The following ANKRD44 variants were observed in gnomAD, a reference collection of about 807,000 sequenced individuals.
ANKRD44 encodes the protein serine/threonine-protein phosphatase 6 regulatory ankyrin repeat subunit B.
Under a neutral mutation model 116.0 loss-of-function variants are expected in ANKRD44, and 35 were observed. That is an observed-to-expected ratio of 0.30 (90% CI 0.23 to 0.40). The LOEUF (loss-of-function observed/expected upper bound fraction) is 0.40, where lower values mean the gene tolerates loss of function less well. ANKRD44 is among the 10% of genes least tolerant of loss of function. The probability of loss-of-function intolerance (pLI) is 1.00; values close to 1 mark genes in which losing one functional copy is unlikely to be tolerated. For synonymous variants in ANKRD44, 435 were observed against 461.8 expected (o/e 0.94, Z 0.74); for missense variants, 1,014 against 1,242.6 (o/e 0.82, Z 2.77).
intron 26 of ANKRD44, among the ~76,000 whole-genome samples, chr2:196,994,309 C>G (rs996741430): frequency 1.3e-5 from 2 of 151,842 alleles, no homozygotes; most frequent in Non-Finnish European, 2.9e-5. Context: ...CCTCAGTCTC[C>G]TGTGTAGCTG....
intron 16 of ANKRD44, among the ~76,000 whole-genome samples, chr2:197,043,677 A>G (rs934346479): frequency 3.9e-5 from 6 of 152,226 alleles, no homozygotes; most frequent in Non-Finnish European, 8.8e-5. Context: ...TTTAAAAAAC[A>G]GGTAGTGATG....
At chr2:197,187,313 A>T (rs890966184) in intron 1 of ANKRD44, among the ~76,000 whole-genome samples, 2 of 152,224 alleles carry the variant, frequency 1.3e-5, no homozygotes, top group Non-Finnish European at 2.9e-5. Flanking sequence ...ACAATCTGAA[A>T]GCCAGGCCAG....
At chr2:197,099,959 C>T (rs776952055) in intron 9 of ANKRD44, 29 bp from the exon 10 acceptor site, 18 of 1,603,662 alleles carry the variant, frequency 1.1e-5, no homozygotes, top group East Asian at 8.9e-5. Flanking sequence ...TACAGGATAA[C>T]GCAAGGATTC....
At chr2:197,244,866 A>G (rs899210627) in intron 1 of ANKRD44, among the ~76,000 whole-genome samples, 4 of 152,246 alleles carry the variant, frequency 2.6e-5, no homozygotes, top group Non-Finnish European at 5.9e-5. Flanking sequence ...CCCTGTGGGT[A>G]GCCAATTTTG....
chr2:197,118,587 T>A (rs762125915), intron 8 of ANKRD44, among the ~76,000 whole-genome samples: 4 of 136,428 alleles, frequency 2.9e-5, no homozygotes, highest in African/African-American at 1.1e-4. Context: ...CAACATTCTA[T>A]CTCAAAAACA....
intron 1 of ANKRD44, among the ~76,000 whole-genome samples, chr2:197,226,921 G>C (rs1166463901): frequency 6.6e-6 from 1 of 151,812 alleles, no homozygotes; most frequent in Non-Finnish European, 1.5e-5. Context: ...TTCCAAAAAG[G>C]GACCACAATA....
At chr2:197,183,917 T>C (rs181444123) in intron 2 of ANKRD44, among the ~76,000 whole-genome samples, 1 of 152,190 alleles carries the variant, frequency 6.6e-6, no homozygotes, top group Non-Finnish European at 1.5e-5. Context: ...AGGTTACACA[T>C]CACTTTATCA....
At chr2:197,044,247 G>C (rs1177153728) in intron 16 of ANKRD44, among the ~76,000 whole-genome samples, 1 of 152,222 alleles carries the variant, frequency 6.6e-6, no homozygotes, top group Non-Finnish European at 1.5e-5. Context: ...TTGATAAACA[G>C]AGTAAGAACT....
At chr2:197,091,799 C>A (rs931134150) in intron 10 of ANKRD44, among the ~76,000 whole-genome samples, 3 of 152,170 alleles carry the variant, frequency 2.0e-5, no homozygotes, top group Non-Finnish European at 4.4e-5. Flanking sequence ...TTTTGCTGAT[C>A]AAACTTCATC....
chr2:197,004,533 C>G (rs983546757), intron 21 of ANKRD44, among the ~76,000 whole-genome samples: 1 of 152,176 alleles, frequency 6.6e-6, no homozygotes, highest in South Asian at 2.1e-4. Context: ...AGCCAGGGTA[C>G]TATTAGATAG....
intron 26 of ANKRD44, chr2:196,994,730 C>G (rs2075982784): frequency 6.6e-6 from 1 of 152,252 alleles, no homozygotes; most frequent in African/African-American, 2.4e-5. Flanking sequence ...ACCATGTTGG[C>G]CAGGCGGGTC....
intron 17 of ANKRD44, chr2:197,015,501 G>T: frequency 2.1e-6 from 1 of 478,420 alleles, no homozygotes. Flanking sequence ...CTATACAAGA[G>T]ATGCAGTCTG....
chr2:197,213,908 C>T (rs1322963883), intron 1 of ANKRD44, among the ~76,000 whole-genome samples: 1 of 152,068 alleles, frequency 6.6e-6, no homozygotes, highest in African/African-American at 2.4e-5. Context: ...TACTACAGCA[C>T]CTTTAAGAGG....
chr2:197,208,025 T>C (rs903674441), intron 1 of ANKRD44, among the ~76,000 whole-genome samples: 2 of 152,228 alleles, frequency 1.3e-5, no homozygotes, highest in Non-Finnish European at 2.9e-5. Flanking sequence ...GTTGGTTTTA[T>C]CGTAGTATTA....
At chr2:197,228,000 A>G (rs2125753422) in intron 1 of ANKRD44, among the ~76,000 whole-genome samples, 1 of 152,376 alleles carries the variant, frequency 6.6e-6, no homozygotes, top group East Asian at 1.9e-4. Flanking sequence ...AGAGCTGATT[A>G]TAGAATGATT....
chr2:197,073,062 G>A (rs2077594254), intron 16 of ANKRD44, among the ~76,000 whole-genome samples: 1 of 152,144 alleles, frequency 6.6e-6, no homozygotes, highest in South Asian at 2.1e-4. Flanking sequence ...TGGGTAACGA[G>A]ACATGGCTGA....
intron 8 of ANKRD44, 131 bp downstream of exon 8, chr2:197,121,201 T>C (rs556162922): frequency 1.1e-5 from 10 of 876,142 alleles, no homozygotes; most frequent in Non-Finnish European, 1.6e-5. Context: ...ACTTTTCTTA[T>C]AGCCTCCAAA....
At chr2:197,009,091 A>C in intron 18 of ANKRD44, 60 bp from the exon 19 acceptor site, 1 of 1,445,084 alleles carries the variant, frequency 6.9e-7, no homozygotes, top group Non-Finnish European at 9.7e-7. Context: ...ATCTCTTCCA[A>C]ATGACTTTTT....
rs368155784 is a variant in ANKRD44, at chr2:197,007,954, A to T, written c.2013-31T>A. On this transcript the variant is annotated intron_variant, in intron 19 of 27. Transcript: ENST00000282272. The stretch of plus-strand genomic sequence containing the variant: ...CAGAGAGATAAAGCAGGCTTTTAAA[A>T]AGGAGATTTAAAAAAATATTCATCA... 209 of 1,496,974 alleles carry T rather than the reference A, an allele frequency of 1.4e-4. No individual in the cohort carries two copies. In the African/African-American group the frequency reaches 2.7e-3, roughly 19 times the overall value. The allele number at this position is 1,496,974 out of a possible 1,614,324, so 92.7% of individuals were successfully genotyped here.
Sources: allele counts gnomAD v4.1 joint callset (sites outside exome capture counted in the v4.1 genomes callset), GRCh38; gene constraint gnomAD v4.1.1; transcripts MANE v1.5; gene names NCBI Gene and HGNC (gene_info 2026-07-23, HGNC 2026-07-21).